Variants in COX7A2L observed in about 807,000 individuals in gnomAD.
COX7A2L encodes the protein cytochrome c oxidase subunit 7A2-like, mitochondrial.
Under a neutral mutation model 14.2 loss-of-function variants are expected in COX7A2L, and 18 were observed. The ratio of observed to expected loss-of-function variants is 1.27; its 90% CI spans 0.88 to 1.88. The LOEUF (loss-of-function observed/expected upper bound fraction) is 1.88, where lower values mean the gene tolerates loss of function less well. Among genes scored for constraint, COX7A2L ranks in the 40% most tolerant of loss-of-function variants. The pLI is 0.00. For missense variants in COX7A2L, 179 were observed against 138.8 expected (o/e 1.29, Z -1.46); for synonymous variants, 65 against 57.4 (o/e 1.13, Z -0.60).
intron 1 of COX7A2L, among the ~76,000 whole-genome samples, chr2:42,357,370 T>C (rs867277949): frequency 6.6e-6 from 1 of 152,312 alleles, no homozygotes; most frequent in South Asian, 2.1e-4. Flanking sequence ...GTGCAACGCA[T>C]TGATCACAGC....
rs1403761343 is a variant in COX7A2L at position 42,339,311 on chromosome 2, C to A, written c.193-5442G>T. Reference sequence around the variant, plus strand: ...GGGGTTTCTCGGGCACAGGATCCCCCCAGCGGCTCTTGCTCCTCCATGTCC... The same window carrying A: ...GGGGTTTCTCGGGCACAGGATCCCCACAGCGGCTCTTGCTCCTCCATGTCC... On this transcript the variant is annotated intron_variant, in intron 2 of 2. Coordinates refer to the COX7A2L transcript ENST00000468711. The surrounding 1 kb of genome is among the most constrained non-coding windows in gnomAD (Gnocchi z 5.4). 6.6e-6 allele frequency among the ~76,000 whole-genome samples: 1 copy of A among 152,202 alleles called. No individual in the cohort carries two copies. Among genetic ancestry groups the A allele is most frequent in the South Asian group, 2.1e-4 (1 of 4,830 alleles).
downstream of COX7A2L, among the ~76,000 whole-genome samples, chr2:42,344,378 A>T (rs1029993290): frequency 2.0e-5 from 3 of 152,216 alleles, no homozygotes; most frequent in South Asian, 2.1e-4. Flanking sequence ...CTACAACTTT[A>T]GGAATGAAAG....
At chr2:42,354,574 G>A (rs1199938995) in intron 1 of COX7A2L, among the ~76,000 whole-genome samples, 1 of 152,000 alleles carries the variant, frequency 6.6e-6, no homozygotes, top group Non-Finnish European at 1.5e-5. Flanking sequence ...TAATTGACAG[G>A]GCATATTATA....
At chr2:42,355,091 C>G (rs1174048996) in intron 1 of COX7A2L, among the ~76,000 whole-genome samples, 5 of 152,186 alleles carry the variant, frequency 3.3e-5, no homozygotes, top group Admixed American at 3.3e-4. Flanking sequence ...ACTCACACCC[C>G]ACCCTCCCAA....
chr2:42,365,945 G>A (rs966868233), upstream of COX7A2L: 7 of 152,184 alleles, frequency 4.6e-5, no homozygotes, highest in Admixed American at 4.6e-4. Flanking sequence ...ACATTGCTGG[G>A]AGAAATGAGC....
At chr2:42,360,824 A>AG in intron 1 of COX7A2L, 1 of 501,768 alleles carries the variant, frequency 2.0e-6, no homozygotes, top group Non-Finnish European at 3.6e-6. Context: ...CTTTTAGACA[A>AG]GTGACCCCGG....
intron 2 of COX7A2L, among the ~76,000 whole-genome samples, chr2:42,352,464 T>C (rs1347617013): frequency 2.0e-5 from 3 of 152,162 alleles, no homozygotes; most frequent in East Asian, 3.9e-4. Flanking sequence ...ACTCATATTT[T>C]GCAGTGTCCA....
intron 1 of COX7A2L, among the ~76,000 whole-genome samples, chr2:42,367,968 A>C (rs1671199660): frequency 6.6e-6 from 1 of 152,254 alleles, no homozygotes; most frequent in South Asian, 2.1e-4. Context: ...ATTTTAATTT[A>C]AACCATGGCA....
At chr2:42,364,285 T>G (rs1671116655), upstream of COX7A2L, among the ~76,000 whole-genome samples, 1 of 149,970 alleles carries the variant, frequency 6.7e-6, no homozygotes, top group Non-Finnish European at 1.5e-5. Flanking sequence ...ACAGTGGGTC[T>G]GGCAGAGATA....
chr2:42,362,632 C>A (rs1013411380), upstream of COX7A2L, among the ~76,000 whole-genome samples: 1 of 152,226 alleles, frequency 6.6e-6, no homozygotes, highest in African/African-American at 2.4e-5. Context: ...AGGATCAAGG[C>A]TGAGCATTCC....
rs972859378 is a variant in COX7A2L, at chr2:42,339,577, CTCCCTCCCTTTA to C, written c.193-5720_193-5709del. ...GTTTCTTTCTTCCCTTCTGCCCTTC[CTCCCTCCCTTTA>C]TCCCTCCCTCCTGCCTTGCTTTCCT... On this transcript the variant is annotated intron_variant, in intron 2 of 2. Coordinates refer to the COX7A2L transcript ENST00000468711. The surrounding 1 kb of genome is among the most constrained non-coding windows in gnomAD (Gnocchi z 5.4). Among the ~76,000 whole-genome samples, 9 of 152,146 alleles carry C rather than the reference CTCCCTCCCTTTA, an allele frequency of 5.9e-5. No individual in the cohort carries two copies. The highest frequency in any genetic ancestry group is 1.7e-4 in the African/African-American group (7 of 41,424).
chr2:42,361,399 T>G (rs2103914973), upstream of COX7A2L: 1 of 475,084 alleles, frequency 2.1e-6, no homozygotes, highest in East Asian at 3.9e-5. Context: ...AAAGTCGCTG[T>G]GGCGGAGTCT....
At chr2:42,345,029 G>A (rs567824344), downstream of COX7A2L, among the ~76,000 whole-genome samples, 3 of 152,312 alleles carry the variant, frequency 2.0e-5, no homozygotes, top group South Asian at 2.1e-4. Flanking sequence ...GAAGTTTCGT[G>A]ATAGCAAAAT....
intron 2 of COX7A2L, among the ~76,000 whole-genome samples, chr2:42,352,044 A>G (rs778353175): frequency 1.7e-4 from 26 of 152,220 alleles, no homozygotes; most frequent in Admixed American, 1.6e-3. Flanking sequence ...GCTTCTGATC[A>G]TAAGTGGATG....
chr2:42,346,224 A>G (rs977387313), downstream of COX7A2L, among the ~76,000 whole-genome samples: 1 of 152,192 alleles, frequency 6.6e-6, no homozygotes, highest in Non-Finnish European at 1.5e-5. Flanking sequence ...AAATCCAATG[A>G]GAAACAGAGA....
rs933705537 is a variant in COX7A2L, at chr2:42,360,937, C to G, written c.72+153G>C. ...AAAAGAAGCCTCAGTGACCACCGTACGCTGGTGTGGAGAGGCCCCGGGAGG... is the reference window on the plus strand; with the variant it reads ...AAAAGAAGCCTCAGTGACCACCGTAGGCTGGTGTGGAGAGGCCCCGGGAGG... On this transcript the variant is annotated intron_variant, in intron 1 of 2. Coordinates refer to ENST00000234301, the MANE Select transcript of COX7A2L (RefSeq NM_004718.4). 12 of 748,466 alleles carry G rather than the reference C, an allele frequency of 1.6e-5. No homozygotes were observed. In the Admixed American group the frequency reaches 2.6e-4, roughly 16 times the overall value. The allele number at this position is 748,466 out of a possible 1,614,324, so 46.4% of individuals were successfully genotyped here. A position where few individuals can be genotyped will look rare whatever the true frequency, so the allele number is the denominator to read the frequency against.
intron 1 of COX7A2L, 105 bp downstream of exon 1, chr2:42,360,985 T>A: frequency 8.1e-7 from 1 of 1,234,052 alleles, no homozygotes; most frequent in Non-Finnish European, 1.2e-6. Flanking sequence ...AGAGACGAAC[T>A]CGACCGCGGG....
chr2:42,347,189 G>C (rs1214087593), downstream of COX7A2L, among the ~76,000 whole-genome samples: 3 of 151,842 alleles, frequency 2.0e-5, no homozygotes. Flanking sequence ...AAACCACAAA[G>C]AAATGTTATC....
chr2:42,345,436 G>A (rs1670476675), downstream of COX7A2L, among the ~76,000 whole-genome samples: 1 of 152,110 alleles, frequency 6.6e-6, no homozygotes, highest in South Asian at 2.1e-4. Flanking sequence ...CAACTTAGCT[G>A]GCTCCTCCTT....
Sources: allele counts gnomAD v4.1 joint callset (sites outside exome capture counted in the v4.1 genomes callset), GRCh38; gene constraint gnomAD v4.1.1; non-coding constraint Gnocchi (gnomAD v3.1); transcripts MANE v1.5; gene names NCBI Gene and HGNC (gene_info 2026-07-23, HGNC 2026-07-21).